Variants in VSIG10L2 observed in about 807,000 individuals in gnomAD.
VSIG10L2 encodes V-set and immunoglobulin domain-containing protein 10-like 2.
Under a neutral mutation model 67.1 loss-of-function variants are expected in VSIG10L2, and 56 were observed. That is an observed-to-expected ratio of 0.83 (90% CI 0.67 to 1.04). VSIG10L2 has a LOEUF of 1.04. Among genes scored for constraint, VSIG10L2 ranks in the 50% least tolerant of loss-of-function variants. The pLI, the probability that VSIG10L2 is intolerant of heterozygous loss-of-function variation, is 0.00. For missense variants in VSIG10L2, 843 were observed against 932.8 expected, an observed-to-expected ratio of 0.90 and a Z score of 1.25; for synonymous variants, 360 against 396.6, an observed-to-expected ratio of 0.91 and a Z score of 1.10.
intron 1 of VSIG10L2, 42 bp from the exon 2 acceptor site, chr11:125,947,644 C>T (rs1033290112): frequency 1.6e-6 from 2 of 1,232,258 alleles, no homozygotes; most frequent in African/African-American, 1.5e-5. Flanking sequence ...CAGGAGAGCC[C>T]AGAGCAGCCC....
chr11:125,951,218 C>A, intron 5 of VSIG10L2, 60 bp downstream of exon 5: 1 of 1,231,788 alleles, frequency 8.1e-7, no homozygotes, highest in South Asian at 4.1e-5. Flanking sequence ...GGGTAGAGGT[C>A]AGGGTAGAGG....
chr11:125,952,111 C>G (rs1210928615), intron 6 of VSIG10L2, 38 bp downstream of exon 6: 1 of 1,505,834 alleles, frequency 6.6e-7, no homozygotes, highest in African/African-American at 1.4e-5. Context: ...GGGGCTGGGA[C>G]AGGAGGAGGA....
At position 125,948,520 on chromosome 11, in the gene VSIG10L2, T is replaced by A; in HGVS notation, c.649T>A (p.Cys217Ser). 2 of 1,232,214 alleles carry A rather than the reference T, an allele frequency of 1.6e-6. No homozygotes were observed. Among genetic ancestry groups the A allele is most frequent in the Non-Finnish European group, 2.0e-6 (2 of 988,010 alleles). 76.3% of individuals were successfully genotyped at this position (1,232,214 alleles called of 1,614,324 possible). ...VNRTHLGWYM[C>S]SASNSVNRLS... ...CCGGACACACCTAGGGTGGTACATG[T>A]GCAGCGCCAGCAACTCCGTGAACAG... Residue 217 changes from cysteine (C) to serine (S), a missense_variant, in exon 3 of 12, where the codon TGC becomes AGC. Cys to Ser is a moderately radical substitution (Grantham distance 112). This residue lies in a region of VSIG10L2 where 446 missense variants were observed against 548.4 expected (regional missense o/e 0.81). Transcript: ENST00000686984.
intron 2 of VSIG10L2, 42 bp from the exon 3 acceptor site, chr11:125,948,263 G>T: frequency 8.1e-7 from 1 of 1,232,276 alleles, no homozygotes; most frequent in South Asian, 4.1e-5. Context: ...GGCGTGTCCT[G>T]GGTCTGTAAT....
At chr11:125,954,406 G>T in intron 8 of VSIG10L2, 23 bp downstream of exon 8, 1 of 1,232,104 alleles carries the variant, frequency 8.1e-7, no homozygotes, top group Non-Finnish European at 1.0e-6. Context: ...GCCAGGGAGG[G>T]ACCCACCTTT....
At position 125,947,971 on chromosome 11, in the gene VSIG10L2, A is replaced by G; in HGVS notation, c.368A>G (p.Gln123Arg). ...HEGARGHFLC[Q>R]VLHVAGGQLH... ...GGTGCCCGTGGCCACTTCCTATGCCAGGTTCTGCACGTGGCTGGCGGCCAG... is the reference window on the plus strand; with the variant it reads ...GGTGCCCGTGGCCACTTCCTATGCCGGGTTCTGCACGTGGCTGGCGGCCAG... Residue 123 changes from glutamine (Q) to arginine (R), a missense_variant, in exon 2 of 12, where the codon CAG (glutamine) becomes CGG (arginine). Gln to Arg is a conservative substitution (Grantham distance 43). Coordinates refer to ENST00000686984, the MANE Select transcript of VSIG10L2 (RefSeq NM_001365077.2). 1 of 1,232,288 alleles carries G rather than the reference A, an allele frequency of 8.1e-7. No individual in the cohort carries two copies. The allele number at this position is 1,232,288 out of a possible 1,614,324, so 76.3% of individuals were successfully genotyped here. A position where few individuals can be genotyped will look rare whatever the true frequency, so the allele number is the denominator to read the frequency against.
Position 125,950,257 on chromosome 11 carries a change from G to A in VSIG10L2, c.953G>A (p.Arg318His), listed in dbSNP as rs974225068. ...CLARNSYLDTRTQTTVQLTIY... is the reference protein window; with the variant it reads ...CLARNSYLDTHTQTTVQLTIY... ...GCCCGCAACAGCTACCTGGACACCCGCACCCAGACTACTGTCCAGCTCACC... is the reference window on the plus strand; with the variant it reads ...GCCCGCAACAGCTACCTGGACACCCACACCCAGACTACTGTCCAGCTCACC... Residue 318 changes from arginine (R) to histidine (H), a missense_variant, in exon 4 of 12, where the codon CGC becomes CAC. Arg to His is a conservative substitution (Grantham distance 29). This residue lies in a region of VSIG10L2 where 446 missense variants were observed against 548.4 expected (regional missense o/e 0.81). Coordinates refer to ENST00000686984, the MANE Select transcript of VSIG10L2 (RefSeq NM_001365077.2). The A allele has an allele frequency of 3.1e-5, 38 of 1,232,316 alleles. No individual in the cohort carries two copies. The highest frequency in any genetic ancestry group is 2.5e-4 in the East Asian group (8 of 31,712). 76.3% of individuals were successfully genotyped at this position (1,232,316 alleles called of 1,614,324 possible).
In VSIG10L2 at chr11:125,948,487, C is replaced by T. The variant is rs748349713; in HGVS notation, c.616C>T (p.Pro206Ser). ...GVTEPLFQLDPVNRTHLGWYM... is the reference protein window; with the variant it reads ...GVTEPLFQLDSVNRTHLGWYM... ...CACTGAGCCACTATTCCAGCTGGAC[C>T]CTGTCAACCGGACACACCTAGGGTG... Residue 206 changes from proline to serine, a missense_variant, in exon 3 of 12, where the codon CCT becomes TCT. Coordinates refer to ENST00000686984, the MANE Select transcript of VSIG10L2 (RefSeq NM_001365077.2). The T allele has an allele frequency of 6.3e-5, 78 of 1,232,128 alleles. No individual in the cohort carries two copies. Among genetic ancestry groups the T allele is most frequent in the Non-Finnish European group, 7.8e-5 (77 of 988,028 alleles). The allele number at this position is 1,232,128 out of a possible 1,614,324, so 76.3% of individuals were successfully genotyped here.
At position 125,947,817 on chromosome 11, in the gene VSIG10L2, C is replaced by T; in HGVS notation, c.214C>T (p.Leu72=). The T allele has an allele frequency of 8.1e-7, 1 of 1,232,620 alleles. No individual in the cohort carries two copies. The highest frequency in any genetic ancestry group is 1.0e-6 in the Non-Finnish European group (1 of 988,358). The allele number at this position is 1,232,620 out of a possible 1,614,324, so 76.4% of individuals were successfully genotyped here. A position where few individuals can be genotyped will look rare whatever the true frequency, so the allele number is the denominator to read the frequency against. Residue 72 remains leucine (L), a synonymous_variant, in exon 2 of 12, where the codon CTG becomes TTG. Transcript: ENST00000686984. ...GCTGGTCCTCTGGAGCTTCACCCCC[C>T]TGGGCTCCCTGGTTCCCCGGCCTGT... ...PLLVLWSFTP[L]GSLVPRPVAV...
chr11:125,954,340 G>A lies in VSIG10L2; in HGVS notation c.2040G>A (p.Leu680=), dbSNP rs977038644. 1 of 1,231,988 alleles carries A rather than the reference G, an allele frequency of 8.1e-7. No individual in the cohort carries two copies. Among genetic ancestry groups the A allele is most frequent in the African/African-American group, 1.6e-5 (1 of 64,366 alleles). 76.3% of individuals were successfully genotyped at this position (1,231,988 alleles called of 1,614,324 possible). A position where few individuals can be genotyped will look rare whatever the true frequency, so the allele number is the denominator to read the frequency against. The part of the protein sequence containing the change: ...GVLYAFRILA[L]NHHTAGHPSE... ...TTTATGCCTTCCGCATCCTGGCTCT[G>A]AATCACCACACTGCAGGACATCCCT... Residue 680 remains leucine (L), a synonymous_variant, in exon 8 of 12, where the codon CTG becomes CTA. Transcript: ENST00000686984.
chr11:125,948,192 G>A (rs112880610), intron 2 of VSIG10L2, 113 bp from the exon 3 acceptor site: 12 of 1,231,518 alleles, frequency 9.7e-6, no homozygotes, highest in African/African-American at 9.3e-5. Flanking sequence ...GGAAGGGATG[G>A]TCAGGGTGGG....
At chr11:125,953,047 C>G (rs1018985357) in intron 6 of VSIG10L2, among the ~76,000 whole-genome samples, 1 of 152,146 alleles carries the variant, frequency 6.6e-6, no homozygotes, top group African/African-American at 2.4e-5. Context: ...CTGGAGCCAG[C>G]CGGGAGGTGG....
Position 125,956,160 on chromosome 11 carries a change from T to C in VSIG10L2, c.*246T>C, listed in dbSNP as rs1438323099. 3.1e-5 allele frequency: 20 copies of C among 640,878 alleles called. No homozygotes were observed. The highest frequency in any genetic ancestry group is 5.5e-5 in the Non-Finnish European group (19 of 347,100). The allele number at this position is 640,878 out of a possible 1,614,324, so 39.7% of individuals were successfully genotyped here. On this transcript the variant is annotated 3_prime_UTR_variant, in exon 12 of 12. Transcript: ENST00000686984. Reference sequence around the variant, plus strand: ...GCAGGACAAGGAAGAGGACCCACAATGGGGAGACAGGGATCTCTGGGTGTC... The same window carrying C: ...GCAGGACAAGGAAGAGGACCCACAACGGGGAGACAGGGATCTCTGGGTGTC...
rs1049408621 is a variant in VSIG10L2 at position 125,948,386 on chromosome 11, G to A, written c.515G>A (p.Arg172Gln). 31 of 1,232,308 alleles carry A rather than the reference G, an allele frequency of 2.5e-5. No homozygotes were observed. The highest frequency in any genetic ancestry group is 1.7e-4 in the African/African-American group (11 of 64,438). 76.3% of individuals were successfully genotyped at this position (1,232,308 alleles called of 1,614,324 possible). A position where few individuals can be genotyped will look rare whatever the true frequency, so the allele number is the denominator to read the frequency against. ...GASVVATCAV[R>Q]EGTEPVTFAW... is the part of the protein sequence containing the mutation. ...TCCGTGGTGGCCACGTGTGCAGTGC[G>A]GGAGGGCACAGAGCCCGTGACCTTT... Residue 172 changes from arginine to glutamine, a missense_variant, in exon 3 of 12, where the codon CGG becomes CAG. Transcript: ENST00000686984.
Position 125,951,083 on chromosome 11 carries a change from C to A in VSIG10L2, c.1159C>A (p.Pro387Thr), listed in dbSNP as rs554089343. 2.3e-4 allele frequency: 281 copies of A among 1,232,714 alleles called. 1 individual carries two copies. Among genetic ancestry groups the A allele is most frequent in the Admixed American group, 1.7e-4 (4 of 23,732 alleles). The allele number at this position is 1,232,714 out of a possible 1,614,324, so 76.4% of individuals were successfully genotyped here. A position where few individuals can be genotyped will look rare whatever the true frequency, so the allele number is the denominator to read the frequency against. ...CTGGAGTCACGCAGCCGCCCAGCTCCCCAGTGGCAGCGTCTTCACCTGCAC... is the reference window on the plus strand; with the variant it reads ...CTGGAGTCACGCAGCCGCCCAGCTCACCAGTGGCAGCGTCTTCACCTGCAC... ...VTWSHAAAQLPSGSVFTCTGQ... is the reference protein window; with the variant it reads ...VTWSHAAAQLTSGSVFTCTGQ... Residue 387 changes from proline (P) to threonine (T), a missense_variant, in exon 5 of 12, where the codon CCC becomes ACC. Physicochemically the swap from Pro to Thr is conservative, Grantham distance 38. Transcript: ENST00000686984.
At position 125,955,111 on chromosome 11, in the gene VSIG10L2, T is replaced by C; in HGVS notation, c.2138T>C (p.Met713Thr). The change falls in exon 9 of 12, where the codon ATG becomes ACG. Residue 713 changes from methionine (M) to threonine (T), a missense_variant. Met to Thr is a moderately conservative substitution (Grantham distance 81). This residue lies in a region of VSIG10L2 where 397 missense variants were observed against 384.4 expected (regional missense o/e 1.03). Coordinates refer to ENST00000686984, the MANE Select transcript of VSIG10L2 (RefSeq NM_001365077.2). ...GTGTTGGGTGCAGCAGGCACGGGAA[T>C]GGTGGTAGCAACGGTGGCCTCTCTA... ...PAVLGAAGTG[M>T]VVATVASLLV... 8.1e-7 allele frequency: 1 copy of C among 1,239,430 alleles called. No homozygotes were observed. The allele number at this position is 1,239,430 out of a possible 1,614,324, so 76.8% of individuals were successfully genotyped here.
rs1945348924 is a variant in VSIG10L2, at chr11:125,950,182, A to G, written c.878A>G (p.Tyr293Cys). 1 of 1,232,188 alleles carries G rather than the reference A, an allele frequency of 8.1e-7. No individual in the cohort carries two copies. Among genetic ancestry groups the G allele is most frequent in the African/African-American group, 1.6e-5 (1 of 64,412 alleles). The allele number at this position is 1,232,188 out of a possible 1,614,324, so 76.3% of individuals were successfully genotyped here. The change falls in exon 4 of 12, where the codon TAT (tyrosine) becomes TGT (cysteine). Residue 293 changes from tyrosine to cysteine, a missense_variant. Physicochemically the swap from Tyr to Cys is radical, Grantham distance 194. Around this residue, in one of 2 missense-constraint regions of VSIG10L2, gnomAD observed 446 missense variants for 548.4 expected, o/e 0.81. Coordinates refer to ENST00000686984, the MANE Select transcript of VSIG10L2 (RefSeq NM_001365077.2). ...ACGCAAGTCCACACGGGGCCTACCT[A>G]TGTCATCGCCAGAGCTGGCCGTGTC... Reference protein sequence around the residue: ...DHTQVHTGPTYVIARAGRVHT... With the variant: ...DHTQVHTGPTCVIARAGRVHT...
chr11:125,951,291 G>A (rs768856607), intron 5 of VSIG10L2, 133 bp downstream of exon 5: 1,254 of 809,564 alleles, frequency 1.5e-3, no homozygotes, highest in Non-Finnish European at 1.9e-3. Flanking sequence ...CATGTAACAA[G>A]GAGGTGGGCG....
intron 7 of VSIG10L2, 105 bp from the exon 8 acceptor site, chr11:125,953,982 T>TTG (rs1388137907): frequency 4.4e-5 from 45 of 1,015,662 alleles, no homozygotes; most frequent in Non-Finnish European, 2.5e-6. Context: ...ATCCAGTGCC[T>TTG]TGTCCACACT....
Sources: gnomAD v4.1 joint callset for allele counts (sites outside exome capture counted in the v4.1 genomes callset) on GRCh38, gnomAD v4.1.1 for gene constraint, gnomAD v4.1.1 regional missense constraint, MANE v1.5 for transcripts, NCBI Gene and HGNC (gene_info 2026-07-23, HGNC 2026-07-21) for gene names.